ALOX12B: variants seen among roughly 807,000 people sequenced by gnomAD.
The protein encoded by ALOX12B is arachidonate 12-lipoxygenase, 12R type.
In ALOX12B, 47 loss-of-function variants were observed where a neutral mutation model predicts 78.9. The ratio of observed to expected loss-of-function variants is 0.60; its 90% confidence interval spans 0.47 to 0.76. The LOEUF (loss-of-function observed/expected upper bound fraction) is 0.76. ALOX12B is among the 30% of genes least tolerant of loss of function. ALOX12B has a pLI of 0.00. For synonymous variants in ALOX12B, 370 were observed against 374.5 expected (o/e 0.99, Z 0.14); for missense variants, 805 against 922.6 (o/e 0.87, Z 1.65).
In ALOX12B at chr17:8,072,782, T is replaced by C. The variant is rs1977007295; in HGVS notation, c.2095A>G (p.Ile699Val). 3 of 1,614,206 alleles carry C rather than the reference T, an allele frequency of 1.9e-6. No homozygotes were observed. Among genetic ancestry groups the C allele is most frequent in the African/African-American group, 2.7e-5 (2 of 75,052 alleles). ...YLDPVLIENS[I>V]SI ...CGGGAAGCGCGCTCCTAAATAGAAA[T>C]GCTGTTCTCAATCAGCACCGGGTCC... Residue 699 changes from isoleucine to valine, a missense_variant, in exon 15 of 15, where the codon ATT becomes GTT. Coordinates refer to ENST00000647874, the MANE Select transcript of ALOX12B (RefSeq NM_001139.3).
In ALOX12B at chr17:8,072,665, T is replaced by G; in HGVS notation, c.*106A>C. On this transcript the variant is annotated 3_prime_UTR_variant, in exon 15 of 15. Transcript: ENST00000647874. ...GGAAGGTTTTTTGTTTTTTTGTTTG[T>G]TTGGTGTTTTGGTCTCTGAGGTTTT... is the stretch of plus-strand genomic sequence containing the variant. The G allele has an allele frequency of 4.1e-6, 6 of 1,462,394 alleles. No homozygotes were observed. Among genetic ancestry groups the G allele is most frequent in the East Asian group, 2.3e-5 (1 of 43,982 alleles). The allele number at this position is 1,462,394 out of a possible 1,614,324, so 90.6% of individuals were successfully genotyped here. A position where few individuals can be genotyped will look rare whatever the true frequency, so the allele number is the denominator to read the frequency against.
chr17:8,073,224 T>C lies in ALOX12B; in HGVS notation c.1850A>G (p.Asp617Gly). The C allele has an allele frequency of 1.2e-6, 2 of 1,614,138 alleles. No individual in the cohort carries two copies. Among genetic ancestry groups the C allele is most frequent in the African/African-American group, 1.3e-5 (1 of 75,014 alleles). Residue 617 changes from aspartate to glycine, a missense_variant, in exon 14 of 15, where the codon GAC becomes GGC. Physicochemically the swap from Asp to Gly is moderately conservative, Grantham distance 94. Coordinates refer to ENST00000647874, the MANE Select transcript of ALOX12B (RefSeq NM_001139.3). ...CGTGGTCTTCACATCCGGCAACGTG[T>C]CCATGAAGGTCTCCAGAGTGGTCAG... ...KGLTTLETFM[D>G]TLPDVKTTCI...
chr17:8,076,542 C>G lies in ALOX12B; in HGVS notation c.1362+115G>C, dbSNP rs568686653. On this transcript the variant is annotated intron_variant, in intron 10 of 14. Coordinates refer to ENST00000647874, the MANE Select transcript of ALOX12B (RefSeq NM_001139.3). ...GAGAACCAACTTCATCCAGCTCCCT[C>G]CCTTCATGCCCCCTCATGATGACCC... 9.1e-6 allele frequency: 12 copies of G among 1,324,114 alleles called. No individual in the cohort carries two copies. In the African/African-American group the frequency reaches 1.6e-4, roughly 18 times the overall value. The allele number at this position is 1,324,114 out of a possible 1,614,324, so 82.0% of individuals were successfully genotyped here.
At position 8,080,939 on chromosome 17, in the gene ALOX12B, G is replaced by A; in HGVS notation, c.472C>T (p.His158Tyr). ...VFLPGLPSYVHIPSYRPPVRR... is the reference protein window; with the variant it reads ...VFLPGLPSYVYIPSYRPPVRR... ...ACCGGAGGGCGGTAACTGGGAATGT[G>A]CACATAGCTGGGCAGGCCAGGAAGA... The change falls in exon 4 of 15, where the codon CAC becomes TAC. Residue 158 changes from histidine to tyrosine, a missense_variant. Coordinates refer to ENST00000647874, the MANE Select transcript of ALOX12B (RefSeq NM_001139.3). The surrounding 1 kb of genome is among the most constrained non-coding windows in gnomAD (Gnocchi z 4.8). The A allele has an allele frequency of 6.2e-7, 1 of 1,613,926 alleles. No individual in the cohort carries two copies. The highest frequency in any genetic ancestry group is 8.5e-7 in the Non-Finnish European group (1 of 1,180,010).
intron 2 of ALOX12B, among the ~76,000 whole-genome samples, chr17:8,082,493 T>C (rs1389872989): frequency 1.3e-5 from 2 of 152,214 alleles, no homozygotes; most frequent in African/African-American, 4.8e-5. Context: ...ACCTGGAAGG[T>C]GGACAGACGC....
At chr17:8,085,734 C>T (rs1009902332) in intron 2 of ALOX12B, among the ~76,000 whole-genome samples, 44 of 152,108 alleles carry the variant, frequency 2.9e-4, no homozygotes, top group African/African-American at 1.0e-3. Flanking sequence ...GGAGAGGTAG[C>T]GGGGAGCGCA....
intron 2 of ALOX12B, among the ~76,000 whole-genome samples, chr17:8,083,468 C>T (rs893219919): frequency 8.5e-5 from 13 of 152,176 alleles, no homozygotes; most frequent in African/African-American, 2.7e-4. Flanking sequence ...CGGTGGTTCA[C>T]GCCTGTAATC....
At chr17:8,086,309 C>T in intron 1 of ALOX12B, 89 bp from the exon 2 acceptor site, 1 of 1,331,372 alleles carries the variant, frequency 7.5e-7, no homozygotes, top group Non-Finnish European at 1.1e-6. Context: ...CTAGGCCCTG[C>T]TCATGCTGCG....
intron 8 of ALOX12B, among the ~76,000 whole-genome samples, chr17:8,078,892 G>C (rs972224274): frequency 1.5e-5 from 2 of 133,812 alleles, no homozygotes; most frequent in Non-Finnish European, 3.1e-5. Context: ...TAAATACTGG[G>C]ACTTTTTTTT....
At chr17:8,085,734 CG>C (rs1377238836) in intron 2 of ALOX12B, among the ~76,000 whole-genome samples, 1 of 152,108 alleles carries the variant, frequency 6.6e-6, no homozygotes, top group African/African-American at 2.4e-5. Flanking sequence ...GGAGAGGTAG[CG>C]GGGAGCGCAC....
chr17:8,087,364 C>A lies in ALOX12B; in HGVS notation c.79G>T (p.Val27Leu). 6.2e-7 allele frequency: 1 copy of A among 1,614,210 alleles called. No homozygotes were observed. Among genetic ancestry groups the A allele is most frequent in the Non-Finnish European group, 8.5e-7 (1 of 1,180,024 alleles). Residue 27 changes from valine to leucine, a missense_variant, in exon 1 of 15, where the codon GTG (valine) becomes TTG (leucine). Val to Leu is a conservative substitution (Grantham distance 32). Coordinates refer to ENST00000647874, the MANE Select transcript of ALOX12B (RefSeq NM_001139.3). Reference protein sequence around the residue: ...GTRDSISLTIVGTQGESHKQL... With the variant: ...GTRDSISLTILGTQGESHKQL... ...TTATGGCTCTCTCCTTGTGTCCCCA[C>A]AATGGTCAGTGAGATGGAGTCCCGT...
rs1342884275 is a variant in ALOX12B, at chr17:8,076,674, C to G, written c.1345G>C (p.Gly449Arg). The G allele has an allele frequency of 5.8e-6, 9 of 1,551,346 alleles. No individual in the cohort carries two copies. The highest frequency in any genetic ancestry group is 3.6e-5 in the South Asian group (3 of 84,036). Reference protein sequence around the residue: ...SIGRAVLLNEGGLSAKGMSLG... With the variant: ...SIGRAVLLNERGLSAKGMSLG... Reference sequence around the variant, plus strand: ...AGTCTTACCTTGGCAGAGAGCCCCCCCTCATTGAGGAGAACGGCCCGGCCA... The same window carrying G: ...AGTCTTACCTTGGCAGAGAGCCCCCGCTCATTGAGGAGAACGGCCCGGCCA... Residue 449 changes from glycine (G) to arginine (R), a missense_variant, in exon 10 of 15, where the codon GGG (glycine) becomes CGG (arginine). Gly to Arg is a moderately radical substitution (Grantham distance 125). Coordinates refer to ENST00000647874, the MANE Select transcript of ALOX12B (RefSeq NM_001139.3).
chr17:8,086,714 C>G (rs530263256), intron 1 of ALOX12B, among the ~76,000 whole-genome samples: 1 of 152,344 alleles, frequency 6.6e-6, no homozygotes, highest in African/African-American at 2.4e-5. Context: ...GCAAAGCGTG[C>G]CTTCCACTGG....
Position 8,086,161 on chromosome 17 carries a change from C to T in ALOX12B, c.207G>A (p.Leu69=). 6.2e-7 allele frequency: 1 copy of T among 1,614,160 alleles called. No individual in the cohort carries two copies. Among genetic ancestry groups the T allele is most frequent in the Non-Finnish European group, 8.5e-7 (1 of 1,180,018 alleles). The change falls in exon 2 of 15, where the codon CTG becomes CTA. Residue 69 remains leucine (L), a synonymous_variant. Coordinates refer to ENST00000647874, the MANE Select transcript of ALOX12B (RefSeq NM_001139.3). Reference sequence around the variant, plus strand: ...GGAAGAAGGCGTACCGCTCTTTGTGCAGGCGGATGATGATGAGCTCACCCA... The same window carrying T: ...GGAAGAAGGCGTACCGCTCTTTGTGTAGGCGGATGATGATGAGCTCACCCA... The part of the protein sequence containing the change: ...QDLGELIIIR[L]HKERYAFFPK...
At chr17:8,084,864 G>T (rs1428538334) in intron 2 of ALOX12B, among the ~76,000 whole-genome samples, 2 of 152,180 alleles carry the variant, frequency 1.3e-5, no homozygotes, top group Non-Finnish European at 2.9e-5. Flanking sequence ...CAGTCCTCAT[G>T]CAGCACCACA....
Position 8,076,267 on chromosome 17 carries a change from G to C in ALOX12B, c.1440C>G (p.Tyr480Ter). 6.2e-7 allele frequency: 1 copy of C among 1,614,076 alleles called. No homozygotes were observed. Among genetic ancestry groups the C allele is most frequent in the Non-Finnish European group, 8.5e-7 (1 of 1,180,010 alleles). ...CACGCTCCACAAAGTCATTGGGGAG[G>C]TAGAGGCTGTCATAGGTGAGCTCCG... ...ALSELTYDSL[Y>*]LPNDFVERGV... Residue 480 changes from tyrosine to a stop codon, truncating the protein, a stop_gained, in exon 11 of 15, where the codon TAC becomes TAG. Transcript: ENST00000647874. LOFTEE classifies it high-confidence loss of function.
intron 2 of ALOX12B, among the ~76,000 whole-genome samples, chr17:8,085,537 G>T (rs974899048): frequency 3.3e-5 from 5 of 152,184 alleles, no homozygotes; most frequent in Non-Finnish European, 7.3e-5. Context: ...GGATAGCAAG[G>T]TGCTGGTTGG....
intron 2 of ALOX12B, among the ~76,000 whole-genome samples, chr17:8,084,663 C>G (rs927041709): frequency 2.6e-5 from 4 of 152,230 alleles, no homozygotes; most frequent in African/African-American, 9.6e-5. Context: ...CCAGCTCAGG[C>G]CCTGTTCCCC....
rs759177455 is a variant in ALOX12B, at chr17:8,081,074, G to A, written c.434+32C>T. 34 of 1,612,456 alleles carry A rather than the reference G, an allele frequency of 2.1e-5. No homozygotes were observed. In the Middle Eastern group the frequency reaches 1.5e-3, roughly 70 times the overall value. On this transcript the variant is annotated intron_variant, in intron 3 of 14. Transcript: ENST00000647874. ...CCCCCCACCTCCCTGGACCCCTGCC[G>A]GGCGCCCAGACTCTGCCACCCGCCC...
Sources: allele counts gnomAD v4.1 joint callset (sites outside exome capture counted in the v4.1 genomes callset), GRCh38; gene constraint gnomAD v4.1.1; non-coding constraint Gnocchi (gnomAD v3.1); transcripts MANE v1.5; gene names NCBI Gene and HGNC (gene_info 2026-07-23, HGNC 2026-07-21).